The following EML6 variants were observed in gnomAD, a reference collection of about 807,000 sequenced individuals.
EML6 encodes echinoderm microtubule-associated protein-like 6.
A neutral mutation model predicts 240.1 loss-of-function variants in EML6; 154 were observed. The observed-to-expected ratio is 0.64, with a 90% CI of 0.56 to 0.73. The LOEUF is 0.73. EML6 is among the 30% of genes least tolerant of loss of function. The probability of loss-of-function intolerance (pLI) is 0.00; values close to 1 mark genes in which losing one functional copy is unlikely to be tolerated. For missense variants in EML6, 2,964 were observed against 2,474.6 expected, an observed-to-expected ratio of 1.20 and a Z score of -4.20; for synonymous variants, 1,148 against 899.0, an observed-to-expected ratio of 1.28 and a Z score of -4.95.
At chr2:54,753,909 G>C (rs1684284631) in intron 2 of EML6, among the ~76,000 whole-genome samples, 1 of 151,838 alleles carries the variant, frequency 6.6e-6, no homozygotes, top group Non-Finnish European at 1.5e-5. Context: ...GACCAAGGCG[G>C]GTGGATCACG....
chr2:54,841,586 CTTTTT>C lies in EML6; in HGVS notation c.848-2447_848-2443del, dbSNP rs3038252. On this transcript the variant is annotated intron_variant, in intron 7 of 41. Transcript: ENST00000356458. ...CCAGCTGGTTTAGTATTTGTCTTGGCTTTTTTTTTTTTTTTTTTCTTTTGAGACAA... is the reference window on the plus strand; with the variant it reads ...CCAGCTGGTTTAGTATTTGTCTTGGCTTTTTTTTTTTTTCTTTTGAGACAA... Among the ~76,000 whole-genome samples, 58 of 118,888 alleles carry C rather than the reference CTTTTT, an allele frequency of 4.9e-4. 1 individual carries two copies. The highest frequency in any genetic ancestry group is 1.6e-3 in the African/African-American group (50 of 30,344). The allele number at this position is 118,888 out of a possible 152,430, so 78.0% of individuals were successfully genotyped here. A position where few individuals can be genotyped will look rare whatever the true frequency, so the allele number is the denominator to read the frequency against.
chr2:54,760,778 A>C (rs1016263465), intron 2 of EML6, among the ~76,000 whole-genome samples: 3 of 151,176 alleles, frequency 2.0e-5, no homozygotes, highest in Non-Finnish European at 4.4e-5. Flanking sequence ...GGAGGTGTAC[A>C]TGAGATCCAT....
At chr2:54,969,812 G>A (rs1289559535) in intron 41 of EML6, among the ~76,000 whole-genome samples, 1 of 152,122 alleles carries the variant, frequency 6.6e-6, no homozygotes, top group Non-Finnish European at 1.5e-5. Flanking sequence ...AGTGCCAGAA[G>A]TCCTCACGGA....
intron 2 of EML6, among the ~76,000 whole-genome samples, chr2:54,744,040 A>C (rs1055023551): frequency 6.6e-6 from 1 of 151,500 alleles, no homozygotes; most frequent in African/African-American, 2.4e-5. Flanking sequence ...AAAGCATTGC[A>C]GGTTGAGGTC....
chr2:54,826,642 G>C (rs1274591030), intron 5 of EML6, among the ~76,000 whole-genome samples: 1 of 152,148 alleles, frequency 6.6e-6, no homozygotes, highest in Non-Finnish European at 1.5e-5. Context: ...AAAATATTTT[G>C]TGTCTGTTTA....
chr2:54,916,835 A>G lies in EML6; in HGVS notation c.3575A>G (p.Asp1192Gly). 1.3e-6 allele frequency: 2 copies of G among 1,550,978 alleles called. No individual in the cohort carries two copies. Among genetic ancestry groups the G allele is most frequent in the Non-Finnish European group, 1.7e-6 (2 of 1,146,346 alleles). ...GAGGGAATCTGGCCAGCACATAGCG[A>G]TATAACTGACGTAAATGCTGCCAGT... ...TCEGIWPAHS[D>G]ITDVNAASLT... Residue 1192 changes from aspartate to glycine, a missense_variant, in exon 26 of 42, where the codon GAT becomes GGT. Coordinates refer to ENST00000356458, the MANE Select transcript of EML6 (RefSeq NM_001039753.4).
At chr2:54,755,127 A>G (rs1371774455) in intron 2 of EML6, among the ~76,000 whole-genome samples, 2 of 152,212 alleles carry the variant, frequency 1.3e-5, no homozygotes, top group African/African-American at 2.4e-5. Context: ...ACCCAGATCT[A>G]TTATTGAAAA....
chr2:54,828,245 C>G (rs1231808586), intron 6 of EML6, among the ~76,000 whole-genome samples: 1 of 152,188 alleles, frequency 6.6e-6, no homozygotes, highest in African/African-American at 2.4e-5. Context: ...CACCTCCACA[C>G]CAGTGTCATG....
chr2:54,787,528 C>T (rs1572895822), intron 2 of EML6, among the ~76,000 whole-genome samples: 1 of 152,098 alleles, frequency 6.6e-6, no homozygotes, highest in Admixed American at 6.5e-5. Flanking sequence ...GTTTGTTTAT[C>T]CTATTGGATT....
chr2:54,873,950 AT>A (rs1207887850), intron 16 of EML6, among the ~76,000 whole-genome samples: 1 of 151,794 alleles, frequency 6.6e-6, no homozygotes, highest in African/African-American at 2.4e-5. Flanking sequence ...TCAAAATACC[AT>A]CTATCACTGA....
chr2:54,892,469 C>CT lies in EML6; in HGVS notation c.2556dup (p.Lys853Ter). On this transcript the variant is annotated frameshift_variant, in exon 19 of 42. Coordinates refer to ENST00000356458, the MANE Select transcript of EML6 (RefSeq NM_001039753.4). LOFTEE classifies it high-confidence loss of function. The stretch of plus-strand genomic sequence containing the variant: ...TCCACTCTAGGTGGGGGCTTCACTT[C>CT]TAAAAGAGGAACTTTTGGAAGCGTT... 6.4e-7 allele frequency: 1 copy of CT among 1,551,208 alleles called. No homozygotes were observed. Among genetic ancestry groups the CT allele is most frequent in the Non-Finnish European group, 8.7e-7 (1 of 1,146,640 alleles).
chr2:54,883,077 C>T (rs73938656), intron 17 of EML6, among the ~76,000 whole-genome samples: 6,635 of 151,502 alleles, frequency 0.044, 485 homozygotes, highest in African/African-American at 0.15. Context: ...TTATTCTTTC[C>T]TCTGTTTTTC....
At chr2:54,961,190 T>TTTTTTTTTTTTTTTTTTTTTTTTG (rs1676491137) in intron 35 of EML6, among the ~76,000 whole-genome samples, 1 of 109,314 alleles carries the variant, frequency 9.1e-6, no homozygotes, top group Non-Finnish European at 1.9e-5. Context: ...AGTAGTTTTT[T>TTTTTTTTTTTTTTTTTTTTTTTTG]TTTTTTTTTT....
At chr2:54,831,083 A>C (rs1668846873) in intron 7 of EML6, among the ~76,000 whole-genome samples, 2 of 152,152 alleles carry the variant, frequency 1.3e-5, no homozygotes, top group Non-Finnish European at 2.9e-5. Context: ...TTTTTTAAGT[A>C]CAGTAGCCAA....
At chr2:54,805,530 T>G (rs1670422871) in intron 2 of EML6, among the ~76,000 whole-genome samples, 1 of 152,208 alleles carries the variant, frequency 6.6e-6, no homozygotes, top group Non-Finnish European at 1.5e-5. Context: ...TATTTTAAAT[T>G]AAGTTGTGTT....
intron 2 of EML6, among the ~76,000 whole-genome samples, chr2:54,743,546 T>C (rs1683758573): frequency 6.6e-6 from 1 of 152,218 alleles, no homozygotes; most frequent in Admixed American, 6.5e-5. Context: ...ACTTTGAACC[T>C]ATTTCTGACT....
chr2:54,852,450 T>C (rs961988372), intron 10 of EML6, among the ~76,000 whole-genome samples: 1 of 152,236 alleles, frequency 6.6e-6, no homozygotes, highest in Admixed American at 6.5e-5. Context: ...TACCATCCTG[T>C]TCAGGGGTGG....
chr2:54,840,587 G>A (rs1275378454), intron 7 of EML6, among the ~76,000 whole-genome samples: 2 of 152,180 alleles, frequency 1.3e-5, no homozygotes, highest in African/African-American at 2.4e-5. Flanking sequence ...TGAAATAAAG[G>A]AATGAATATA....
chr2:54,908,676 A>G (rs765923555), intron 24 of EML6, among the ~76,000 whole-genome samples: 3 of 152,106 alleles, frequency 2.0e-5, no homozygotes, highest in Non-Finnish European at 4.4e-5. Context: ...TCTCTGCACA[A>G]GCAGCCTTTC....
Sources: gnomAD v4.1 joint callset for allele counts (sites outside exome capture counted in the v4.1 genomes callset) on GRCh38, gnomAD v4.1.1 for gene constraint, MANE v1.5 for transcripts, NCBI Gene and HGNC (gene_info 2026-07-23, HGNC 2026-07-21) for gene names.